The following PCDHGA4 variants were observed in gnomAD, a reference collection of about 807,000 sequenced individuals.
PCDHGA4 encodes the protein protocadherin gamma subfamily A, 4, also known as protocadherin gamma-A4.
Under a neutral mutation model 54.6 loss-of-function variants are expected in PCDHGA4, and 38 were observed. The ratio of observed to expected loss-of-function variants is 0.70; its 90% CI spans 0.54 to 0.91. The LOEUF (loss-of-function observed/expected upper bound fraction) is 0.91, where lower values mean the gene tolerates loss of function less well. Among genes scored for constraint, PCDHGA4 ranks in the 40% least tolerant of loss-of-function variants. PCDHGA4 has a pLI of 0.00. For missense variants in PCDHGA4, 1,298 were observed against 1,220.9 expected (o/e 1.06, Z -0.94); for synonymous variants, 511 against 512.9 (o/e 1.00, Z 0.05).
intron 3 of PCDHGA4, among the ~76,000 whole-genome samples, chr5:141,508,624 G>A (rs552418899): frequency 3.3e-5 from 5 of 152,256 alleles, no homozygotes; most frequent in African/African-American, 9.6e-5. Context: ...TGGGTGGGCC[G>A]AGCTTCTAGC....
At chr5:141,458,617 T>A (rs1392739721) in intron 1 of PCDHGA4, among the ~76,000 whole-genome samples, 6 of 152,170 alleles carry the variant, frequency 3.9e-5, no homozygotes, top group Non-Finnish European at 8.8e-5. Flanking sequence ...TCAGCCAGGC[T>A]GGAGTGCAGT....
intron 2 of PCDHGA4, among the ~76,000 whole-genome samples, chr5:141,502,947 G>A (rs933409229): frequency 3.0e-4 from 45 of 151,030 alleles, no homozygotes; most frequent in Admixed American, 1.8e-3. Context: ...GGGTTCAAGC[G>A]ATTCTCCTGC....
In PCDHGA4 at chr5:141,357,080, G is replaced by T. The variant is rs1760455892; in HGVS notation, c.1973G>T (p.Arg658Leu). Reference sequence around the variant, plus strand: ...GTGGGGCTGCACACAGGCGAGGTGCGCACCGCACGGGCCCTGCTGGACAGA... The same window carrying T: ...GTGGGGCTGCACACAGGCGAGGTGCTCACCGCACGGGCCCTGCTGGACAGA... ...FAVGLHTGEV[R>L]TARALLDRDA... The change falls in exon 1 of 4, where the codon CGC becomes CTC. Residue 658 changes from arginine (R) to leucine (L), a missense_variant. Coordinates refer to ENST00000571252, the MANE Select transcript of PCDHGA4 (RefSeq NM_018917.4). 1.2e-6 allele frequency: 2 copies of T among 1,613,924 alleles called. No individual in the cohort carries two copies. The highest frequency in any genetic ancestry group is 1.7e-6 in the Non-Finnish European group (2 of 1,179,962).
intron 1 of PCDHGA4, chr5:141,384,604 A>G (rs762562769): frequency 3.1e-6 from 5 of 1,613,896 alleles, no homozygotes; most frequent in South Asian, 2.2e-5. Context: ...GGCCCTCCCC[A>G]CAGATGGTTC....
intron 1 of PCDHGA4, chr5:141,388,512 T>G (rs1342946669): frequency 1.2e-6 from 2 of 1,613,846 alleles, no homozygotes; most frequent in Non-Finnish European, 1.7e-6. Flanking sequence ...ATCCTACCAC[T>G]TGACTTTGAC....
rs774582698 is a variant in PCDHGA4, at chr5:141,360,234, C to G, written c.2514+2613C>G. 1.9e-6 allele frequency: 3 copies of G among 1,613,870 alleles called. No individual in the cohort carries two copies. In the South Asian group the frequency reaches 3.3e-5, roughly 18 times the overall value. On this transcript the variant is annotated intron_variant, in intron 1 of 3. Coordinates refer to ENST00000571252, the MANE Select transcript of PCDHGA4 (RefSeq NM_018917.4). ...TCCCCGGGGCTCTCCCAGTCCAGAT[C>G]CGCTATTCAATTCCAGAGGAGCTGG...
intron 1 of PCDHGA4, chr5:141,374,379 G>A (rs1163047741): frequency 6.2e-7 from 1 of 1,614,042 alleles, no homozygotes; most frequent in Non-Finnish European, 8.5e-7. Flanking sequence ...TGTGCTCAGA[G>A]CCCGCGGTGT....
chr5:141,403,006 G>T, intron 1 of PCDHGA4: 3 of 1,614,006 alleles, frequency 1.9e-6, no homozygotes, highest in African/African-American at 1.3e-5. Context: ...TGCTATGCTC[G>T]CTCCTGGGGA....
intron 1 of PCDHGA4, chr5:141,411,997 T>A (rs1321898808): frequency 6.6e-6 from 1 of 152,030 alleles, no homozygotes; most frequent in Non-Finnish European, 1.5e-5. Context: ...GAAGGCATAG[T>A]GACATAAACA....
At chr5:141,397,183 T>C (rs1319444729) in intron 1 of PCDHGA4, among the ~76,000 whole-genome samples, 2 of 152,190 alleles carry the variant, frequency 1.3e-5, no homozygotes, top group East Asian at 3.8e-4. Flanking sequence ...AATGAATTTA[T>C]GTACTGTAAA....
chr5:141,431,162 G>C lies in PCDHGA4; in HGVS notation c.2515-63645G>C, dbSNP rs757521794. The C allele has an allele frequency of 3.1e-6, 5 of 1,614,246 alleles. No homozygotes were observed. The South Asian group carries it at 5.5e-5, about 18-fold the overall frequency. On this transcript the variant is annotated intron_variant, in intron 1 of 3. Coordinates refer to ENST00000571252, the MANE Select transcript of PCDHGA4 (RefSeq NM_018917.4). The surrounding 1 kb of genome is among the most constrained non-coding windows in gnomAD (Gnocchi z 4.8). Reference sequence around the variant, plus strand: ...TAACGACAATGCGCCTTACTTTCGTGAAAGTGAATTAGAAATAAAAATTAG... The same window carrying C: ...TAACGACAATGCGCCTTACTTTCGTCAAAGTGAATTAGAAATAAAAATTAG...
Position 141,431,548 on chromosome 5 carries a change from A to G in PCDHGA4, c.2515-63259A>G, listed in dbSNP as rs1357844542. 2 of 1,614,136 alleles carry G rather than the reference A, an allele frequency of 1.2e-6. No individual in the cohort carries two copies. Among genetic ancestry groups the G allele is most frequent in the Admixed American group, 1.7e-5 (1 of 60,030 alleles). On this transcript the variant is annotated intron_variant, in intron 1 of 3. Coordinates refer to ENST00000571252, the MANE Select transcript of PCDHGA4 (RefSeq NM_018917.4). This position sits in a 1 kb window ranked among gnomAD's most constrained non-coding sequence, Gnocchi z 4.8. ...TGGCCTTGGGCACGCAGCTGCTTGT[A>G]GTCAACGCTACCGACCCTGACGAAG... is the stretch of plus-strand genomic sequence containing the variant.
intron 1 of PCDHGA4, chr5:141,484,980 A>C (rs1387732109): frequency 1.7e-6 from 1 of 593,836 alleles, no homozygotes; most frequent in Admixed American, 3.1e-5. Flanking sequence ...CTGTCTGCCA[A>C]TCGGGTGGTG....
rs936750924 is a variant in PCDHGA4, at chr5:141,418,950, T to A, written c.2514+61329T>A. On this transcript the variant is annotated intron_variant, in intron 1 of 3. Transcript: ENST00000571252. ...ATTATGGAGGATTCCCCTCCAGGAG[T>A]GGTTGTTGCCCTCTTCAAAACACGG... 23 of 1,613,742 alleles carry A rather than the reference T, an allele frequency of 1.4e-5. No individual in the cohort carries two copies. Among genetic ancestry groups the A allele is most frequent in the Non-Finnish European group, 1.9e-5 (23 of 1,179,860 alleles).
At chr5:141,492,312 C>G (rs1470136040) in intron 1 of PCDHGA4, among the ~76,000 whole-genome samples, 3 of 152,230 alleles carry the variant, frequency 2.0e-5, no homozygotes, top group Non-Finnish European at 4.4e-5. Context: ...CGCACGCACT[C>G]CTCGCACGTG....
intron 1 of PCDHGA4, chr5:141,371,552 A>G (rs1414054761): frequency 1.9e-6 from 3 of 1,613,854 alleles, no homozygotes; most frequent in Admixed American, 1.7e-5. Context: ...TATGCCAACT[A>G]AAAGGAAACT....
rs1231167998 is a variant in PCDHGA4, at chr5:141,399,197, T to C, written c.2514+41576T>C. 1.9e-6 allele frequency: 3 copies of C among 1,613,808 alleles called. No individual in the cohort carries two copies. In the African/African-American group the frequency reaches 4.0e-5, roughly 22 times the overall value. On this transcript the variant is annotated intron_variant, in intron 1 of 3. Transcript: ENST00000571252. ...CTTGAAATGATTCTGGAAAACGCGGTGCCTGGAACACTAATTGCTTTGATC... is the reference window on the plus strand; with the variant it reads ...CTTGAAATGATTCTGGAAAACGCGGCGCCTGGAACACTAATTGCTTTGATC...
chr5:141,370,865 G>T (rs749306291), intron 1 of PCDHGA4: 1 of 1,614,004 alleles, frequency 6.2e-7, no homozygotes, highest in Non-Finnish European at 8.5e-7. Context: ...TGGAATCTGC[G>T]CAAGATCCTG....
In PCDHGA4 at chr5:141,431,827, TC is replaced by T. The variant is rs571306928; in HGVS notation, c.2515-62977del. 1.2e-3 allele frequency: 2,007 copies of T among 1,614,226 alleles called. No individual in the cohort carries two copies. The highest frequency in any genetic ancestry group is 1.5e-3 in the Non-Finnish European group (1,827 of 1,180,024). On this transcript the variant is annotated intron_variant, in intron 1 of 3. Coordinates refer to ENST00000571252, the MANE Select transcript of PCDHGA4 (RefSeq NM_018917.4). This position sits in a 1 kb window ranked among gnomAD's most constrained non-coding sequence, Gnocchi z 4.8. ...TCCTCACCTCTCTCGCCAGCTCGGT[TC>T]CCGAAAACTCTCCCAGAGGGACATT...
Sources: gnomAD v4.1 joint callset for allele counts (sites outside exome capture counted in the v4.1 genomes callset) on GRCh38, gnomAD v4.1.1 for gene constraint, Gnocchi (gnomAD v3.1) non-coding constraint, MANE v1.5 for transcripts, NCBI Gene and HGNC (gene_info 2026-07-23, HGNC 2026-07-21) for gene names.